The following DNAH17 variants were observed in gnomAD, a reference collection of about 807,000 sequenced individuals.
The protein encoded by DNAH17 is dynein axonemal heavy chain 17.
A neutral mutation model predicts 485.6 loss-of-function variants in DNAH17; 376 were observed. The observed-to-expected ratio is 0.77, with a 90% CI of 0.71 to 0.84. DNAH17 has a LOEUF of 0.84. DNAH17 is among the 40% of genes least tolerant of loss of function. The probability of loss-of-function intolerance (pLI) is 0.00; values close to 1 mark genes in which losing one functional copy is unlikely to be tolerated. For synonymous variants in DNAH17, 3,031 were observed against 2,405.9 expected (o/e 1.26, Z -7.60); for missense variants, 6,370 against 5,839.3 (o/e 1.09, Z -2.96).
Position 78,567,118 on chromosome 17 carries a change from G to A in DNAH17, c.1333C>T (p.Leu445Phe). The A allele has an allele frequency of 6.2e-7, 1 of 1,611,032 alleles. No individual in the cohort carries two copies. Among genetic ancestry groups the A allele is most frequent in the African/African-American group, 1.3e-5 (1 of 74,984 alleles). Residue 445 changes from leucine (L) to phenylalanine (F), a missense_variant, in exon 10 of 81, where the codon CTT (leucine) becomes TTT (phenylalanine). Leu to Phe is a conservative substitution (Grantham distance 22, BLOSUM62 0). Coordinates refer to ENST00000389840, the MANE Select transcript of DNAH17 (RefSeq NM_173628.4). ...AGGAGGTTCCCACGCACGCCCCCAA[G>A]CTCGATTTTCTCCAGCTTCAGAAAC... ...IEFLKLEKIE[L>F]GGVRGNLLGS...
At chr17:78,573,917 G>A (rs145446810) in intron 2 of DNAH17, among the ~76,000 whole-genome samples, 12 of 152,206 alleles carry the variant, frequency 7.9e-5, no homozygotes, top group African/African-American at 2.2e-4. Context: ...CTGGAGGTCC[G>A]AATCCCCAAA....
In DNAH17 at chr17:78,539,820, A is replaced by G; in HGVS notation, c.2593T>C (p.Tyr865His). ...LSLPWKDYVI[Y>H]IDDMVLDEFD... is the part of the protein sequence containing the mutation. The stretch of plus-strand genomic sequence containing the variant: ...TCATCTAAGACCATGTCGTCAATGT[A>G]GATGACATAATCCTTCCAGGGCAGG... Residue 865 changes from tyrosine to histidine, a missense_variant, in exon 18 of 81, where the codon TAC becomes CAC. Tyr to His is a moderately conservative substitution (Grantham distance 83). Transcript: ENST00000389840. The G allele has an allele frequency of 6.2e-7, 1 of 1,611,896 alleles. No homozygotes were observed. Among genetic ancestry groups the G allele is most frequent in the Non-Finnish European group, 8.5e-7 (1 of 1,179,514 alleles).
At chr17:78,540,337 T>A (rs1271522429) in intron 17 of DNAH17, among the ~76,000 whole-genome samples, 1 of 51,730 alleles carries the variant, frequency 1.9e-5, no homozygotes, top group Non-Finnish European at 4.3e-5. Flanking sequence ...CAGGGGCTGG[T>A]GGGTGGGTGG....
At chr17:78,544,993 T>C (rs2091718822) in intron 16 of DNAH17, among the ~76,000 whole-genome samples, 1 of 152,016 alleles carries the variant, frequency 6.6e-6, no homozygotes, top group Admixed American at 6.6e-5. Flanking sequence ...CTATCCTCCA[T>C]CCCATCCCCC....
Position 78,429,397 on chromosome 17 carries a change from C to A in DNAH17, c.12226-97G>T, listed in dbSNP as rs904007222. On this transcript the variant is annotated intron_variant, in intron 75 of 80. Transcript: ENST00000389840. Reference sequence around the variant, plus strand: ...AGGCAGGCAGGGCGTGGGAACCCAGCCATTGGTGCTGTGTCCTTCTCGCCC... The same window carrying A: ...AGGCAGGCAGGGCGTGGGAACCCAGACATTGGTGCTGTGTCCTTCTCGCCC... 4 of 1,355,914 alleles carry A rather than the reference C, an allele frequency of 3.0e-6. No individual in the cohort carries two copies. The African/African-American group carries it at 5.7e-5, about 19-fold the overall frequency. The allele number at this position is 1,355,914 out of a possible 1,614,324, so 84.0% of individuals were successfully genotyped here.
chr17:78,551,773 G>A (rs1410773043), intron 15 of DNAH17, 135 bp from the exon 16 acceptor site: 3 of 730,196 alleles, frequency 4.1e-6, no homozygotes, highest in African/African-American at 1.8e-5. Flanking sequence ...ACCAGCCTGG[G>A]CAACATGGTG....
rs762605114 is a variant in DNAH17 at position 78,529,690 on chromosome 17, C to A, written c.3289G>T (p.Ala1097Ser). The change falls in exon 22 of 81, where the codon GCT (alanine) becomes TCT (serine). Residue 1097 changes from alanine to serine, a missense_variant. Ala to Ser is a moderately conservative substitution (Grantham distance 99, BLOSUM62 1). Coordinates refer to ENST00000389840, the MANE Select transcript of DNAH17 (RefSeq NM_173628.4). Reference protein sequence around the residue: ...HLSNHVTNSLADLEAFMKVAR... With the variant: ...HLSNHVTNSLSDLEAFMKVAR... ...ACTTTCATGAAGGCTTCCAGGTCAG[C>A]CAGGCTAAGGGACAAGGGGACCATT... 3.1e-6 allele frequency: 5 copies of A among 1,613,904 alleles called. No homozygotes were observed. Among genetic ancestry groups the A allele is most frequent in the Non-Finnish European group, 4.2e-6 (5 of 1,179,820 alleles).
At chr17:78,452,587 A>G (rs2087600747) in intron 65 of DNAH17, among the ~76,000 whole-genome samples, 1 of 152,082 alleles carries the variant, frequency 6.6e-6, no homozygotes, top group Admixed American at 6.6e-5. Context: ...AAAATACAAA[A>G]ATTAGCTGGG....
chr17:78,563,756 CA>C (rs2092209345), intron 11 of DNAH17, among the ~76,000 whole-genome samples: 3 of 143,332 alleles, frequency 2.1e-5, no homozygotes, highest in Admixed American at 1.4e-4. Flanking sequence ...CCGGAACAGG[CA>C]GGGGCTGGAA....
rs186326763 is a variant in DNAH17, at chr17:78,481,812, C to G, written c.7650-1026G>C. Among the ~76,000 whole-genome samples, 19 of 152,136 alleles carry G rather than the reference C, an allele frequency of 1.2e-4. No homozygotes were observed. The South Asian group carries it at 2.7e-3, about 22-fold the overall frequency. ...GGCAGATCACTTGAGGTCAGGAGAT[C>G]AAGATCAGCCTGGCTAGCATAGTGA... On this transcript the variant is annotated intron_variant, in intron 48 of 80. Coordinates refer to ENST00000389840, the MANE Select transcript of DNAH17 (RefSeq NM_173628.4).
At position 78,509,230 on chromosome 17, in the gene DNAH17, C is replaced by T. The variant is rs867762029; in HGVS notation, c.4236+1154G>A. On this transcript the variant is annotated intron_variant, in intron 27 of 80. Transcript: ENST00000389840. The stretch of plus-strand genomic sequence containing the variant: ...TCCACCCACCTTGGCCTCCCCAAAG[C>T]GTTGGGATTACAGGCGTGAGCCACC... Among the ~76,000 whole-genome samples the T allele has an allele frequency of 2.1e-5, 2 of 95,440 alleles. 1 individual carries two copies. Among genetic ancestry groups the T allele is most frequent in the Non-Finnish European group, 4.6e-5 (2 of 43,500 alleles). The allele number at this position is 95,440 out of a possible 152,430, so 62.6% of individuals were successfully genotyped here.
At chr17:78,510,604 C>T (rs1468384971) in intron 26 of DNAH17, 98 bp from the exon 27 acceptor site, 9 of 1,516,726 alleles carry the variant, frequency 5.9e-6, no homozygotes, top group African/African-American at 1.4e-5. Context: ...TGCCGGGGCA[C>T]GATCCCGGGC....
At chr17:78,561,660 GC>G in intron 12 of DNAH17, 54 bp downstream of exon 12, 1 of 1,528,948 alleles carries the variant, frequency 6.5e-7, no homozygotes, top group South Asian at 1.3e-5. Flanking sequence ...AGTCCCTCTC[GC>G]TCTCCCGCAC....
rs760950743 is a variant in DNAH17 at position 78,494,590 on chromosome 17, G to A, written c.6270+3C>T. ...GACAGACCTGAGACCCAGGAGTCCC[G>A]ACCTTTTCAAAATTCAGGTCCCGTT... On this transcript the variant is annotated splice_donor_region_variant and intron_variant, in intron 40 of 80. Transcript: ENST00000389840. The A allele has an allele frequency of 1.9e-5, 31 of 1,613,290 alleles. No homozygotes were observed. Among genetic ancestry groups the A allele is most frequent in the Admixed American group, 3.3e-5 (2 of 60,010 alleles).
Position 78,561,798 on chromosome 17 carries a change from G to GGGA in DNAH17, c.1749_1751dup (p.Pro584dup), listed in dbSNP as rs1315133699. 4 of 1,613,580 alleles carry GGGA rather than the reference G, an allele frequency of 2.5e-6. No individual in the cohort carries two copies. The highest frequency in any genetic ancestry group is 3.4e-6 in the Non-Finnish European group (4 of 1,179,788). On this transcript the variant is annotated inframe_insertion, in exon 12 of 81. Transcript: ENST00000389840. ...GGCTCCATTTGAGCTGCCCGGCCAC[G>GGGA]GGAGGCATGTTTTTGTGGATCAGGG...
At chr17:78,531,064 G>A (rs2091223044) in intron 20 of DNAH17, among the ~76,000 whole-genome samples, 1 of 152,192 alleles carries the variant, frequency 6.6e-6, no homozygotes, top group South Asian at 2.1e-4. Flanking sequence ...TGGTCCCTGT[G>A]ATCTAAAGTG....
intron 25 of DNAH17, among the ~76,000 whole-genome samples, chr17:78,521,494 A>T (rs1200845602): frequency 2.0e-5 from 3 of 152,342 alleles, no homozygotes; most frequent in Admixed American, 1.3e-4. Flanking sequence ...AAACAAAAAT[A>T]ATAAATGAAC....
intron 2 of DNAH17, 84 bp downstream of exon 2, chr17:78,574,629 T>C: frequency 1.6e-6 from 2 of 1,251,160 alleles, no homozygotes; most frequent in Non-Finnish European, 2.2e-6. Context: ...GCCCAGGGAC[T>C]CCAGGCTGAG....
intron 14 of DNAH17, among the ~76,000 whole-genome samples, chr17:78,553,857 G>T (rs528808185): frequency 4.6e-5 from 7 of 152,228 alleles, no homozygotes; most frequent in South Asian, 4.2e-4. Context: ...TAATCACAAA[G>T]GTTTGTACTT....
Sources: allele counts gnomAD v4.1 joint callset (sites outside exome capture counted in the v4.1 genomes callset), GRCh38; gene constraint gnomAD v4.1.1; transcripts MANE v1.5; gene names NCBI Gene and HGNC (gene_info 2026-07-23, HGNC 2026-07-21).